TG: variants seen among roughly 807,000 people sequenced by gnomAD.
TG encodes the protein thyroglobulin, also known as thyroid hormones.
A neutral mutation model predicts 324.7 loss-of-function variants in TG; 270 were observed. The ratio of observed to expected loss-of-function variants is 0.83; its 90% CI spans 0.75 to 0.92. TG has a LOEUF of 0.92. Among genes scored for constraint, TG ranks in the 40% least tolerant of loss-of-function variants. The pLI, the probability that TG is intolerant of heterozygous loss-of-function variation, is 0.00. For synonymous variants in TG, 1,401 were observed against 1,327.0 expected, an observed-to-expected ratio of 1.06 and a Z score of -1.21; for missense variants, 3,591 against 3,456.4, an observed-to-expected ratio of 1.04 and a Z score of -0.98.
intron 23 of TG, among the ~76,000 whole-genome samples, chr8:132,933,333 T>A: frequency 2.0e-5 from 3 of 151,450 alleles, no homozygotes; most frequent in East Asian, 2.0e-4. Flanking sequence ...TGTCTTTAGG[T>A]GTATATTTGT....
Position 133,131,412 on chromosome 8 carries a change from G to A in TG, c.7863-400G>A, listed in dbSNP as rs568303571. Among the ~76,000 whole-genome samples the A allele has an allele frequency of 6.6e-5, 10 of 152,346 alleles. No individual in the cohort carries two copies. The South Asian group carries it at 1.0e-3, about 16-fold the overall frequency. ...GTTGTATATGAACACAGGCTAGTGC[G>A]GAGAATGGGCTCAAATACAAGCTAC... On this transcript the variant is annotated intron_variant, in intron 45 of 47. Transcript: ENST00000220616.
At chr8:133,100,973 G>A (rs35601099) in intron 43 of TG, among the ~76,000 whole-genome samples, 24,109 of 151,976 alleles carry the variant, frequency 0.16, 2,372 homozygotes, top group Non-Finnish European at 0.21. Context: ...TTTTTTTCTG[G>A]GAAAGAAAGG....
rs144826790 is a variant in TG at position 132,888,106 on chromosome 8, G to C, written c.2299G>C (p.Gly767Arg). The change falls in exon 10 of 48, where the codon GGG (glycine) becomes CGG (arginine). Residue 767 changes from glycine (G) to arginine (R), a missense_variant. Physicochemically the swap from Gly to Arg is moderately radical, Grantham distance 125 (BLOSUM62 -2). Transcript: ENST00000220616. ...CTACATCCCACAGTGCAGCACCGATGGGCAGTGGAGACAAGTGCAATGCAA... is the reference window on the plus strand; with the variant it reads ...CTACATCCCACAGTGCAGCACCGATCGGCAGTGGAGACAAGTGCAATGCAA... ...DTYIPQCSTDGQWRQVQCNGP... is the reference protein window; with the variant it reads ...DTYIPQCSTDRQWRQVQCNGP... 1 of 1,613,998 alleles carries C rather than the reference G, an allele frequency of 6.2e-7. No homozygotes were observed. The highest frequency in any genetic ancestry group is 1.7e-5 in the Admixed American group (1 of 60,004).
At chr8:133,014,643 A>G (rs1277187372) in intron 37 of TG, among the ~76,000 whole-genome samples, 1 of 152,220 alleles carries the variant, frequency 6.6e-6, no homozygotes, top group Non-Finnish European at 1.5e-5. Context: ...ATAAAACTTT[A>G]TTTACAAAAC....
rs1489488581 is a variant in TG at position 133,116,610 on chromosome 8, G to A, written c.7756G>A (p.Asp2586Asn). 1.2e-6 allele frequency: 2 copies of A among 1,613,782 alleles called. No individual in the cohort carries two copies. Among genetic ancestry groups the A allele is most frequent in the East Asian group, 2.2e-5 (1 of 44,874 alleles). ...CCCCCCATGTTCTCTTTTCACCAGG[G>A]ACTACTTTATCATCTGCCCTATAAT... ...FSRALENATR[D>N]YFIICPIIDM... is the part of the protein sequence containing the mutation. Residue 2586 changes from aspartate (D) to asparagine (N), a missense_variant and splice_region_variant, in exon 45 of 48, where the codon GAC becomes AAC. By Grantham distance (23) the Asp-to-Asn change is conservative. Coordinates refer to ENST00000220616, the MANE Select transcript of TG (RefSeq NM_003235.5).
At chr8:133,106,288 G>A (rs1849798463) in intron 43 of TG, 2 of 478,996 alleles carry the variant, frequency 4.2e-6, no homozygotes, top group Non-Finnish European at 5.4e-6. Flanking sequence ...TGCAGCAGGA[G>A]GCAGGGCCAG....
In TG at chr8:132,897,791, G is replaced by A. The variant is rs1275683468; in HGVS notation, c.3139+5G>A. 2.5e-6 allele frequency: 4 copies of A among 1,614,008 alleles called. No individual in the cohort carries two copies. The highest frequency in any genetic ancestry group is 3.4e-6 in the Non-Finnish European group (4 of 1,180,034). Reference sequence around the variant, plus strand: ...TGCAGTGCCACGCTGGGACTGGTAAGGAGGGATAGGCACCTTCAGGTGGCC... The same window carrying A: ...TGCAGTGCCACGCTGGGACTGGTAAAGAGGGATAGGCACCTTCAGGTGGCC... On this transcript the variant is annotated splice_donor_5th_base_variant and intron_variant, in intron 12 of 47. Coordinates refer to ENST00000220616, the MANE Select transcript of TG (RefSeq NM_003235.5).
At chr8:133,024,609 G>A (rs182663127) in intron 40 of TG, among the ~76,000 whole-genome samples, 223 of 149,248 alleles carry the variant, frequency 1.5e-3, no homozygotes, top group Non-Finnish European at 2.3e-3. Flanking sequence ...CCCTCCCTGT[G>A]TCCATGTATT....
At chr8:132,874,904 G>C (rs746746001) in intron 5 of TG, among the ~76,000 whole-genome samples, 3 of 152,098 alleles carry the variant, frequency 2.0e-5, no homozygotes, top group Non-Finnish European at 4.4e-5. Context: ...TCTGTGCTCC[G>C]GGTCCCTCTG....
intron 43 of TG, among the ~76,000 whole-genome samples, chr8:133,108,065 T>G (rs1849968903): frequency 6.7e-6 from 1 of 148,648 alleles, no homozygotes; most frequent in African/African-American, 2.5e-5. Context: ...CACTGCAAGC[T>G]CTGTCTGCCA....
At chr8:133,097,104 G>A (rs1848536823) in intron 43 of TG, among the ~76,000 whole-genome samples, 1 of 152,228 alleles carries the variant, frequency 6.6e-6, no homozygotes, top group Non-Finnish European at 1.5e-5. Flanking sequence ...AGCACAAAGA[G>A]AGGACAACTC....
In TG at chr8:133,101,182, C is replaced by G. The variant is rs79976640; in HGVS notation, c.7572+4809C>G. Among the ~76,000 whole-genome samples, 386 of 152,246 alleles carry G rather than the reference C, an allele frequency of 2.5e-3. 3 individuals are homozygous for G. The highest frequency in any genetic ancestry group is 8.8e-3 in the African/African-American group (364 of 41,530). On this transcript the variant is annotated intron_variant, in intron 43 of 47. Coordinates refer to ENST00000220616, the MANE Select transcript of TG (RefSeq NM_003235.5). ...CCACCTTACCCCCACCATACGCAAG[C>G]ATCACCTAGAGAGATCCTCAGGATT...
chr8:133,045,115 C>G, intron 41 of TG: 1 of 1,614,070 alleles, frequency 6.2e-7, no homozygotes, highest in Non-Finnish European at 8.5e-7. Context: ...TGAGTAAAAC[C>G]CTGCAGGAGG....
At chr8:133,026,096 C>G (rs990815315) in intron 40 of TG, among the ~76,000 whole-genome samples, 1 of 152,200 alleles carries the variant, frequency 6.6e-6, no homozygotes, top group Non-Finnish European at 1.5e-5. Context: ...TTTCCTGGCC[C>G]AGTATCTAGC....
intron 10 of TG, among the ~76,000 whole-genome samples, chr8:132,890,376 T>C (rs1191547168): frequency 6.6e-6 from 1 of 152,180 alleles, no homozygotes; most frequent in Non-Finnish European, 1.5e-5. Flanking sequence ...TCAAACTCTT[T>C]TGTTGATAAG....
At chr8:133,060,603 G>A (rs1842228227) in intron 41 of TG, among the ~76,000 whole-genome samples, 1 of 152,210 alleles carries the variant, frequency 6.6e-6, no homozygotes, top group African/African-American at 2.4e-5. Context: ...TACAGGAGTT[G>A]TGTGTCTGTA....
intron 41 of TG, chr8:133,047,733 G>A (rs763362203): frequency 1.5e-5 from 12 of 780,244 alleles, no homozygotes; most frequent in East Asian, 4.9e-5. Context: ...TTGCATGGAC[G>A]TAGGAGGAAG....
intron 16 of TG, among the ~76,000 whole-genome samples, chr8:132,903,931 C>A (rs1818301467): frequency 6.6e-6 from 1 of 152,200 alleles, no homozygotes; most frequent in African/African-American, 2.4e-5. Flanking sequence ...ACTGGAATTA[C>A]TAATACACTT....
chr8:132,967,773 A>G (rs763982134), intron 30 of TG, 21 bp from the exon 31 acceptor site: 4 of 1,613,026 alleles, frequency 2.5e-6, no homozygotes, highest in East Asian at 2.2e-5. Flanking sequence ...AACTAAAATC[A>G]CACTACTCTC....
Sources: allele counts gnomAD v4.1 joint callset (sites outside exome capture counted in the v4.1 genomes callset), GRCh38; gene constraint gnomAD v4.1.1; transcripts MANE v1.5; gene names NCBI Gene and HGNC (gene_info 2026-07-23, HGNC 2026-07-21).